The following ROBO2 variants were observed in gnomAD, a reference collection of about 807,000 sequenced individuals.
ROBO2 encodes roundabout guidance receptor 2.
A neutral mutation model predicts 160.8 loss-of-function variants in ROBO2; 53 were observed. The ratio of observed to expected loss-of-function variants is 0.33; its 90% CI spans 0.26 to 0.41. The LOEUF is 0.41. Ranked by LOEUF, ROBO2 falls within the 10% of genes least tolerant of loss-of-function variation. The pLI is 1.00. For missense variants in ROBO2, 1,577 were observed against 1,722.4 expected, an observed-to-expected ratio of 0.92 and a Z score of 1.49; for synonymous variants, 664 against 611.7, an observed-to-expected ratio of 1.09 and a Z score of -1.26.
intron 24 of ROBO2, among the ~76,000 whole-genome samples, chr3:77,639,082 C>T (rs143898817): frequency 6.6e-5 from 10 of 152,080 alleles, no homozygotes; most frequent in Non-Finnish European, 1.5e-5. Context: ...TGCCCACCTC[C>T]ACCTCCCAAA....
intron 2 of ROBO2, among the ~76,000 whole-genome samples, chr3:76,851,615 G>T (rs2069366409): frequency 6.7e-6 from 1 of 149,580 alleles, no homozygotes; most frequent in Non-Finnish European, 1.5e-5. Flanking sequence ...GGCGCCTGTA[G>T]TCCCAGCTAC....
chr3:77,221,854 C>CTTTTTTTTTTTTTTTTTT (rs5850317), intron 2 of ROBO2, among the ~76,000 whole-genome samples: 1 of 140,284 alleles, frequency 7.1e-6, no homozygotes, highest in Non-Finnish European at 1.5e-5. Flanking sequence ...TTTTCTTTTT[C>CTTTTTTTTTTTTTTTTTT]TTTTTTTTTT....
At chr3:77,076,496 G>A (rs2068021177) in intron 1 of ROBO2, among the ~76,000 whole-genome samples, 2 of 140,848 alleles carry the variant, frequency 1.4e-5, no homozygotes, top group Non-Finnish European at 3.1e-5. Flanking sequence ...TAAGTAAAAT[G>A]AGAGGAAAAT....
intron 2 of ROBO2, among the ~76,000 whole-genome samples, chr3:77,138,138 T>C (rs1434412139): frequency 6.6e-6 from 1 of 152,242 alleles, no homozygotes; most frequent in Non-Finnish European, 1.5e-5. Context: ...GAAAATATGG[T>C]TCAATTGTCC....
chr3:77,406,121 G>A (rs777250317), intron 2 of ROBO2, among the ~76,000 whole-genome samples: 21 of 152,128 alleles, frequency 1.4e-4, no homozygotes, highest in Non-Finnish European at 2.9e-4. Flanking sequence ...GGAAAGCAAG[G>A]CACAGCCTTA....
At chr3:76,268,400 T>C (rs1707227007) in intron 2 of ROBO2, among the ~76,000 whole-genome samples, 1 of 152,206 alleles carries the variant, frequency 6.6e-6, no homozygotes, top group East Asian at 1.9e-4. Flanking sequence ...GTAGTTTAAC[T>C]ACATAACTGT....
chr3:76,189,767 C>T (rs931522152), intron 2 of ROBO2, among the ~76,000 whole-genome samples: 2 of 152,004 alleles, frequency 1.3e-5, no homozygotes, highest in Admixed American at 1.3e-4. Context: ...TTATGGTATG[C>T]CAGGCTCTCT....
At chr3:75,938,819 G>A (rs1285400093) in intron 2 of ROBO2, among the ~76,000 whole-genome samples, 1 of 152,096 alleles carries the variant, frequency 6.6e-6, no homozygotes, top group Non-Finnish European at 1.5e-5. Context: ...TGTTAATTAA[G>A]ATCAGCTTTG....
At chr3:76,577,885 C>T (rs1400782677) in intron 2 of ROBO2, among the ~76,000 whole-genome samples, 1 of 152,064 alleles carries the variant, frequency 6.6e-6, no homozygotes, top group African/African-American at 2.4e-5. Context: ...AAAGAACTGG[C>T]CTTTTGTCTA....
At chr3:77,308,029 C>G (rs934149594) in intron 2 of ROBO2, among the ~76,000 whole-genome samples, 2 of 149,576 alleles carry the variant, frequency 1.3e-5, no homozygotes, top group Non-Finnish European at 3.0e-5. Flanking sequence ...CTTCTAGAAA[C>G]CACCTGAATT....
chr3:76,772,950 C>T (rs1035677067), intron 2 of ROBO2, among the ~76,000 whole-genome samples: 3 of 151,028 alleles, frequency 2.0e-5, no homozygotes, highest in Non-Finnish European at 3.0e-5. Context: ...ATTTTGGCAT[C>T]GATGGAAATT....
intron 2 of ROBO2, among the ~76,000 whole-genome samples, chr3:77,126,825 G>T (rs1579207275): frequency 9.1e-6 from 1 of 110,222 alleles, no homozygotes; most frequent in East Asian, 2.8e-4. Flanking sequence ...GTCGCACTCT[G>T]TCTCCCAGGC....
intron 1 of ROBO2, among the ~76,000 whole-genome samples, chr3:77,074,005 A>C (rs1421043078): frequency 6.6e-6 from 1 of 152,234 alleles, no homozygotes; most frequent in Non-Finnish European, 1.5e-5. Context: ...TTTTGGTTAA[A>C]ATAGTTTAAT....
chr3:76,817,785 C>T (rs1383447402), intron 2 of ROBO2, among the ~76,000 whole-genome samples: 1 of 151,240 alleles, frequency 6.6e-6, no homozygotes, highest in Non-Finnish European at 1.5e-5. Flanking sequence ...TTTTCTAAGA[C>T]CATTATTCTT....
chr3:77,096,955 A>G (rs1270996432), intron 1 of ROBO2, among the ~76,000 whole-genome samples: 1 of 152,194 alleles, frequency 6.6e-6, no homozygotes, highest in East Asian at 1.9e-4. Context: ...CTCTTGAACT[A>G]TTTAAGTAAA....
Position 76,603,346 on chromosome 3 carries a change from AAAAAAATATATATATAT to A in ROBO2, c.110-494666_110-494650del, listed in dbSNP as rs1345732173. 1.8e-3 allele frequency among the ~76,000 whole-genome samples: 104 copies of A among 56,930 alleles called. 1 individual carries two copies. The highest frequency in any genetic ancestry group is 4.2e-3 in the South Asian group (7 of 1,656). The allele number at this position is 56,930 out of a possible 152,430, so 37.3% of individuals were successfully genotyped here. A position where few individuals can be genotyped will look rare whatever the true frequency, so the allele number is the denominator to read the frequency against. On this transcript the variant is annotated intron_variant, in intron 2 of 26. Transcript: ENST00000487694. ...GACTCCATCTCCAAAAAAAAAAAAA[AAAAAAATATATATATAT>A]ATATATATATATATATATATATATG... is the stretch of plus-strand genomic sequence containing the variant.
At chr3:76,785,938 A>G (rs2062945081) in intron 2 of ROBO2, among the ~76,000 whole-genome samples, 1 of 151,352 alleles carries the variant, frequency 6.6e-6, no homozygotes, top group Non-Finnish European at 1.5e-5. Context: ...AGAGTCAAGT[A>G]CAGTGAGGAT....
chr3:76,848,923 G>C (rs563662969), intron 2 of ROBO2, among the ~76,000 whole-genome samples: 1 of 152,112 alleles, frequency 6.6e-6, no homozygotes, highest in East Asian at 1.9e-4. Context: ...AGAAAAATTC[G>C]CATTTGGCAA....
Position 76,036,600 on chromosome 3 carries a change from G to C in ROBO2, c.109+98998G>C, listed in dbSNP as rs570588503. 7.2e-5 allele frequency among the ~76,000 whole-genome samples: 11 copies of C among 151,760 alleles called. 1 individual carries two copies. The highest frequency in any genetic ancestry group is 2.7e-4 in the African/African-American group (11 of 41,236). On this transcript the variant is annotated intron_variant, in intron 2 of 26. Transcript: ENST00000487694. The stretch of plus-strand genomic sequence containing the variant: ...GCTCACCGCAACCTCTGCCTCCCAG[G>C]CTCAAGTGATTCTCCTGCCTCAGCC...
Sources: allele counts gnomAD v4.1 joint callset (sites outside exome capture counted in the v4.1 genomes callset), GRCh38; gene constraint gnomAD v4.1.1; transcripts MANE v1.5; gene names NCBI Gene and HGNC (gene_info 2026-07-23, HGNC 2026-07-21).